CDT1: variants seen among roughly 807,000 people sequenced by gnomAD.
The protein encoded by CDT1 is DNA replication factor Cdt1.
Under a neutral mutation model 49.3 loss-of-function variants are expected in CDT1, and 66 were observed. The ratio of observed to expected loss-of-function variants is 1.34; its 90% CI spans 1.10 to 1.64. The LOEUF (loss-of-function observed/expected upper bound fraction) is 1.64, where lower values mean the gene tolerates loss of function less well. Ranked by LOEUF, CDT1 falls within the 40% of genes most tolerant of loss-of-function variation. The probability of loss-of-function intolerance (pLI) is 0.00; values close to 1 mark genes in which losing one functional copy is unlikely to be tolerated. For missense variants in CDT1, 958 were observed against 807.7 expected, an observed-to-expected ratio of 1.19 and a Z score of -2.26; for synonymous variants, 424 against 347.4, an observed-to-expected ratio of 1.22 and a Z score of -2.45.
chr16:88,806,752 C>G, intron 7 of CDT1, 78 bp downstream of exon 7: 1 of 1,512,518 alleles, frequency 6.6e-7, no homozygotes, highest in East Asian at 2.5e-5. Context: ...GAGGTGGAAG[C>G]CTTGGTGATG....
Position 88,804,575 on chromosome 16 carries a change from G to A in CDT1, c.259G>A (p.Asp87Asn), listed in dbSNP as rs1908773955. ...VSSPSTPEAP[D>N]IPACPSPGQK... ...CAGCCCCAGTACCCCCGAGGCCCCA[G>A]ACATCCCAGCCTGCCCTTCTCCGGG... Residue 87 changes from aspartate to asparagine, a missense_variant, in exon 2 of 10, where the codon GAC (aspartate) becomes AAC (asparagine). Asp to Asn is a conservative substitution (Grantham distance 23). Transcript: ENST00000301019. 13 of 1,613,034 alleles carry A rather than the reference G, an allele frequency of 8.1e-6. No individual in the cohort carries two copies. Among genetic ancestry groups the A allele is most frequent in the Non-Finnish European group, 1.1e-5 (13 of 1,179,888 alleles).
At chr16:88,808,059 GC>G in intron 9 of CDT1, 55 bp from the exon 10 acceptor site, 1 of 1,586,694 alleles carries the variant, frequency 6.3e-7, no homozygotes, top group Non-Finnish European at 8.6e-7. Flanking sequence ...TTCAAGTGCT[GC>G]CCGTGCAGGG....
At position 88,808,386 on chromosome 16, in the gene CDT1, G is replaced by A. The variant is rs1031379358; in HGVS notation, c.*108G>A. The A allele has an allele frequency of 2.0e-5, 25 of 1,276,676 alleles. No homozygotes were observed. Among genetic ancestry groups the A allele is most frequent in the South Asian group, 5.7e-5 (4 of 69,898 alleles). 79.1% of individuals were successfully genotyped at this position (1,276,676 alleles called of 1,614,324 possible). A position where few individuals can be genotyped will look rare whatever the true frequency, so the allele number is the denominator to read the frequency against. ...ACACTTTGGCCTTCCTTTCCCCAGC[G>A]CCCCTGAGGGCCAGAGGCAGATGTG... On this transcript the variant is annotated 3_prime_UTR_variant, in exon 10 of 10. Coordinates refer to ENST00000301019, the MANE Select transcript of CDT1 (RefSeq NM_030928.4).
At position 88,806,353 on chromosome 16, in the gene CDT1, G is replaced by T. The variant is rs982175274; in HGVS notation, c.934-133G>T. The T allele has an allele frequency of 3.4e-6, 4 of 1,187,158 alleles. No individual in the cohort carries two copies. In the African/African-American group the frequency reaches 6.0e-5, roughly 18 times the overall value. The allele number at this position is 1,187,158 out of a possible 1,614,324, so 73.5% of individuals were successfully genotyped here. On this transcript the variant is annotated intron_variant, in intron 6 of 9. Transcript: ENST00000301019. ...GGGAGGCCTTGTGCTCTCCCTCCAAGCTGAGCACTGGGCAGAGGCTGAGTG... is the reference window on the plus strand; with the variant it reads ...GGGAGGCCTTGTGCTCTCCCTCCAATCTGAGCACTGGGCAGAGGCTGAGTG...
intron 1 of CDT1, 104 bp from the exon 2 acceptor site, chr16:88,804,441 C>G (rs1368404164): frequency 6.9e-7 from 1 of 1,441,634 alleles, no homozygotes; most frequent in South Asian, 1.3e-5. Flanking sequence ...CCAGCCATGC[C>G]CGTCCCAGTT....
Position 88,808,182 on chromosome 16 carries a change from C to G in CDT1, c.1545C>G (p.Ile515Met). ...CGGACTGGCTCAGCCTCCACCGCAT[C>G]CGCACCGACACCTACGTCAAGCTGG... Reference protein sequence around the residue: ...LLPDWLSLHRIRTDTYVKLDK... With the variant: ...LLPDWLSLHRMRTDTYVKLDK... The change falls in exon 10 of 10, where the codon ATC becomes ATG. Residue 515 changes from isoleucine to methionine, a missense_variant. Coordinates refer to ENST00000301019, the MANE Select transcript of CDT1 (RefSeq NM_030928.4). 2.5e-6 allele frequency: 4 copies of G among 1,612,894 alleles called. No homozygotes were observed. The highest frequency in any genetic ancestry group is 2.5e-6 in the Non-Finnish European group (3 of 1,179,980).
In CDT1 at chr16:88,804,766, C is replaced by T; in HGVS notation, c.356C>T (p.Thr119Ile). 1.2e-6 allele frequency: 2 copies of T among 1,612,898 alleles called. No individual in the cohort carries two copies. The highest frequency in any genetic ancestry group is 1.7e-6 in the Non-Finnish European group (2 of 1,179,902). ...PHLTSAQDQD[T>I]ISELASCLQR... The stretch of plus-strand genomic sequence containing the variant: ...TGTCCCCTGATCCCCCTGAAGGACA[C>T]CATCTCTGAGCTTGCGTCATGCCTG... The change falls in exon 3 of 10, where the codon ACC (threonine) becomes ATC (isoleucine). Residue 119 changes from threonine to isoleucine, a missense_variant. By Grantham distance (89) the Thr-to-Ile change is moderately conservative. Coordinates refer to ENST00000301019, the MANE Select transcript of CDT1 (RefSeq NM_030928.4).
intron 3 of CDT1, 45 bp downstream of exon 3, chr16:88,804,943 T>A (rs1473756532): frequency 6.5e-7 from 1 of 1,532,530 alleles, no homozygotes; most frequent in Admixed American, 2.0e-5. Context: ...AAAGGCCGGG[T>A]TGGTGGCAGG....
chr16:88,808,951 G>A lies in CDT1; in HGVS notation c.*673G>A, dbSNP rs757410962. 11 of 165,586 alleles carry A rather than the reference G, an allele frequency of 6.6e-5. No homozygotes were observed. The East Asian group carries it at 8.7e-4, about 13-fold the overall frequency. The allele number at this position is 165,586 out of a possible 1,614,324, so 10.3% of individuals were successfully genotyped here. A position where few individuals can be genotyped will look rare whatever the true frequency, so the allele number is the denominator to read the frequency against. On this transcript the variant is annotated 3_prime_UTR_variant, in exon 10 of 10. Coordinates refer to ENST00000301019, the MANE Select transcript of CDT1 (RefSeq NM_030928.4). ...GCACAGCTTGCAGTGAGCGAAGATC[G>A]CACCACTGCACGCACTCCAGCCTGG...
At chr16:88,804,317 C>T (rs555513118) in intron 1 of CDT1, among the ~76,000 whole-genome samples, 1 of 152,116 alleles carries the variant, frequency 6.6e-6, no homozygotes, top group Non-Finnish European at 1.5e-5. Flanking sequence ...GGAAGTCCAG[C>T]TTCTCTGCGA....
intron 2 of CDT1, 41 bp downstream of exon 2, chr16:88,804,708 G>A: frequency 1.9e-6 from 3 of 1,612,080 alleles, no homozygotes; most frequent in Non-Finnish European, 2.5e-6. Flanking sequence ...AGGGCTGAGT[G>A]GTGCCGGCCT....
intron 8 of CDT1, 31 bp from the exon 9 acceptor site, chr16:88,807,250 C>T (rs1360979297): frequency 5.6e-6 from 9 of 1,611,298 alleles, no homozygotes; most frequent in Non-Finnish European, 6.8e-6. Context: ...TGACCTGCTG[C>T]CCACTAACCA....
In CDT1 at chr16:88,803,879, G is replaced by C; in HGVS notation, c.48G>C (p.Gly16=). ...VTDFFARRRP[G]PPRIAPPKLA... ...ACTTCTTCGCGCGCCGCCGCCCCGG[G>C]CCCCCCCGCATCGCGCCGCCCAAGC... The change falls in exon 1 of 10, where the codon GGG becomes GGC. Residue 16 remains glycine (G), a synonymous_variant. Transcript: ENST00000301019. 2.0e-6 allele frequency: 3 copies of C among 1,473,738 alleles called. No individual in the cohort carries two copies. The highest frequency in any genetic ancestry group is 1.5e-5 in the African/African-American group (1 of 68,168). The allele number at this position is 1,473,738 out of a possible 1,614,324, so 91.3% of individuals were successfully genotyped here. A position where few individuals can be genotyped will look rare whatever the true frequency, so the allele number is the denominator to read the frequency against.
Position 88,806,119 on chromosome 16 carries a change from A to G in CDT1, c.931A>G (p.Lys311Glu). The change falls in exon 6 of 10, where the codon AAG becomes GAG. Residue 311 changes from lysine to glutamate, a missense_variant and splice_region_variant. By Grantham distance (56) the Lys-to-Glu change is moderately conservative. Transcript: ENST00000301019. The stretch of plus-strand genomic sequence containing the variant: ...GGTGGAGCATGTCAAGGAGCACCAC[A>G]AGGTGAGCGGCCCCCGGCCCCGCTG... ...KLVEHVKEHH[K>E]AFLASLSPAM... 2 of 1,595,436 alleles carry G rather than the reference A, an allele frequency of 1.3e-6. No individual in the cohort carries two copies. Among genetic ancestry groups the G allele is most frequent in the Non-Finnish European group, 1.7e-6 (2 of 1,175,910 alleles).
Position 88,805,642 on chromosome 16 carries a change from G to C in CDT1, c.686+5G>C, listed in dbSNP as rs755695035. On this transcript the variant is annotated splice_donor_5th_base_variant and intron_variant, in intron 4 of 9. Transcript: ENST00000301019. ...CGTCCAGGACATGATGCGTAGGTGAGTGGCCGGGGGTGGGCTGTGGCTGTC... is the reference window on the plus strand; with the variant it reads ...CGTCCAGGACATGATGCGTAGGTGACTGGCCGGGGGTGGGCTGTGGCTGTC... 6.8e-6 allele frequency: 11 copies of C among 1,612,678 alleles called. No individual in the cohort carries two copies. The South Asian group carries it at 1.2e-4, about 18-fold the overall frequency.
Position 88,805,427 on chromosome 16 carries a change from C to T in CDT1, c.489-13C>T. 1 of 1,612,286 alleles carries T rather than the reference C, an allele frequency of 6.2e-7. No individual in the cohort carries two copies. Among genetic ancestry groups the T allele is most frequent in the South Asian group, 1.1e-5 (1 of 91,052 alleles). ...GCCTACTGCTTCTCATGAGGCTCCT[C>T]CCTCCCTGACAGTGGCGAGAAGGCG... is the stretch of plus-strand genomic sequence containing the variant. On this transcript the variant is annotated splice_polypyrimidine_tract_variant and intron_variant, in intron 3 of 9. Coordinates refer to ENST00000301019, the MANE Select transcript of CDT1 (RefSeq NM_030928.4).
At position 88,806,357 on chromosome 16, in the gene CDT1, A is replaced by T. The variant is rs1306013988; in HGVS notation, c.934-129A>T. The T allele has an allele frequency of 2.5e-6, 3 of 1,196,672 alleles. No individual in the cohort carries two copies. The East Asian group carries it at 7.6e-5, about 30-fold the overall frequency. 74.1% of individuals were successfully genotyped at this position (1,196,672 alleles called of 1,614,324 possible). A position where few individuals can be genotyped will look rare whatever the true frequency, so the allele number is the denominator to read the frequency against. On this transcript the variant is annotated intron_variant, in intron 6 of 9. Transcript: ENST00000301019. The stretch of plus-strand genomic sequence containing the variant: ...GGCCTTGTGCTCTCCCTCCAAGCTG[A>T]GCACTGGGCAGAGGCTGAGTGACTT...
intron 9 of CDT1, 36 bp downstream of exon 9, chr16:88,807,518 G>A: frequency 6.3e-7 from 1 of 1,582,228 alleles, no homozygotes; most frequent in Non-Finnish European, 8.7e-7. Context: ...CGTGCAGGGT[G>A]GAATTGCCTG....
chr16:88,808,432 G>C lies in CDT1; in HGVS notation c.*154G>C. On this transcript the variant is annotated 3_prime_UTR_variant, in exon 10 of 10. Transcript: ENST00000301019. ...ATGTGGGCTGCAGGCTGCACAGCCC[G>C]AGGGTCTCTGGCTGCGGGCGGTGGG... is the stretch of plus-strand genomic sequence containing the variant. 1 of 870,176 alleles carries C rather than the reference G, an allele frequency of 1.1e-6. No individual in the cohort carries two copies. The highest frequency in any genetic ancestry group is 1.7e-6 in the Non-Finnish European group (1 of 580,064). 53.9% of individuals were successfully genotyped at this position (870,176 alleles called of 1,614,324 possible).
Sources: gnomAD v4.1 joint callset for allele counts (sites outside exome capture counted in the v4.1 genomes callset) on GRCh38, gnomAD v4.1.1 for gene constraint, MANE v1.5 for transcripts, NCBI Gene and HGNC (gene_info 2026-07-23, HGNC 2026-07-21) for gene names.